Variants in FHOD3 observed in about 807,000 individuals in gnomAD.
FHOD3 encodes formin homology 2 domain containing 3, also known as FH1/FH2 domain-containing protein 3.
In FHOD3, 90 loss-of-function variants were observed where a neutral mutation model predicts 173.0. The observed-to-expected ratio is 0.52, with a 90% confidence interval of 0.44 to 0.62. FHOD3 has a LOEUF of 0.62. FHOD3 is among the 20% of genes least tolerant of loss of function. FHOD3 has a pLI of 0.00. For missense variants in FHOD3, 1,945 were observed against 2,034.7 expected (o/e 0.96, Z 0.85); for synonymous variants, 828 against 823.0 (o/e 1.01, Z -0.10).
At chr18:36,308,144 A>C (rs570575279) in intron 1 of FHOD3, among the ~76,000 whole-genome samples, 1 of 152,350 alleles carries the variant, frequency 6.6e-6, no homozygotes, top group African/African-American at 2.4e-5. Context: ...TGATTGAACT[A>C]TTGGAGGTTT....
In FHOD3 at chr18:36,654,850, G is replaced by GT. The variant is rs202189677; in HGVS notation, c.1721+1442dup. On this transcript the variant is annotated intron_variant, in intron 13 of 28. Transcript: ENST00000590592. ...CCACACTGATTCCACCTGCTCAAGA[G>GT]TTTTTTTTCTTTCTAAAAATGGAAG... is the stretch of plus-strand genomic sequence containing the variant. Among the ~76,000 whole-genome samples, 16 of 152,110 alleles carry GT rather than the reference G, an allele frequency of 1.1e-4. No individual in the cohort carries two copies. In the East Asian group the frequency reaches 1.9e-3, roughly 18 times the overall value.
At chr18:36,454,267 C>T (rs994244639) in intron 3 of FHOD3, among the ~76,000 whole-genome samples, 5 of 151,936 alleles carry the variant, frequency 3.3e-5, no homozygotes, top group African/African-American at 1.2e-4. Context: ...CACAGGGGCA[C>T]ACACACAAGA....
chr18:36,779,161 C>T (rs2043914240), intron 28 of FHOD3: 6 of 452,196 alleles, frequency 1.3e-5, no homozygotes, highest in Non-Finnish European at 2.0e-5. Context: ...GGGTGAGCCT[C>T]TCCTCCTTTC....
intron 3 of FHOD3, among the ~76,000 whole-genome samples, chr18:36,480,973 G>GT (rs1185942316): frequency 2.2e-5 from 3 of 136,836 alleles, no homozygotes; most frequent in Admixed American, 2.2e-4. Flanking sequence ...TCCAACCACA[G>GT]TTTTTTTATG....
intron 3 of FHOD3, among the ~76,000 whole-genome samples, chr18:36,444,688 G>C (rs1156995149): frequency 6.6e-6 from 1 of 152,014 alleles, no homozygotes; most frequent in Non-Finnish European, 1.5e-5. Context: ...ACAAAGGGTA[G>C]CATGCTATAG....
At chr18:36,755,068 T>C in intron 24 of FHOD3, 51 bp from the exon 25 acceptor site, 1 of 1,270,466 alleles carries the variant, frequency 7.9e-7, no homozygotes, top group Non-Finnish European at 1.1e-6. Context: ...AGACAAGTAA[T>C]TTTTATTTCT....
intron 8 of FHOD3, among the ~76,000 whole-genome samples, chr18:36,610,796 G>T (rs2032595463): frequency 1.3e-5 from 2 of 152,184 alleles, no homozygotes; most frequent in African/African-American, 4.8e-5. Context: ...AATAATTTTG[G>T]AATGTGTGTC....
intron 14 of FHOD3, among the ~76,000 whole-genome samples, chr18:36,680,170 C>G (rs1428473830): frequency 6.6e-6 from 1 of 152,128 alleles, no homozygotes; most frequent in South Asian, 2.1e-4. Context: ...TTTGGTTACT[C>G]CCTCCCTGTA....
At chr18:36,691,455 C>T (rs1401302470) in intron 16 of FHOD3, among the ~76,000 whole-genome samples, 1 of 152,240 alleles carries the variant, frequency 6.6e-6, no homozygotes, top group African/African-American at 2.4e-5. Context: ...TTGCCACCAT[C>T]CCATTTAACA....
At position 36,746,847 on chromosome 18, in the gene FHOD3, T is replaced by G. The variant is rs531670146; in HGVS notation, c.4042-98T>G. 1,260 of 843,338 alleles carry G rather than the reference T, an allele frequency of 1.5e-3. 7 individuals carry two copies. The highest frequency in any genetic ancestry group is 1.7e-3 in the Non-Finnish European group (958 of 552,440). 52.2% of individuals were successfully genotyped at this position (843,338 alleles called of 1,614,324 possible). A position where few individuals can be genotyped will look rare whatever the true frequency, so the allele number is the denominator to read the frequency against. On this transcript the variant is annotated intron_variant, in intron 23 of 28. Transcript: ENST00000590592. Reference sequence around the variant, plus strand: ...TTTGCATTTCAAAATGTGAATTTCGTTTTGATGTTTGTTTCTCCCCAGAGG... The same window carrying G: ...TTTGCATTTCAAAATGTGAATTTCGGTTTGATGTTTGTTTCTCCCCAGAGG...
At chr18:36,669,269 T>C (rs183990361) in intron 14 of FHOD3, among the ~76,000 whole-genome samples, 15 of 151,974 alleles carry the variant, frequency 9.9e-5, no homozygotes, top group Admixed American at 7.9e-4. Context: ...TAATATAGCC[T>C]CAGCTTTAAA....
At chr18:36,561,481 T>C (rs1837409249) in intron 5 of FHOD3, among the ~76,000 whole-genome samples, 1 of 152,218 alleles carries the variant, frequency 6.6e-6, no homozygotes, top group Non-Finnish European at 1.5e-5. Flanking sequence ...GTTGCGTTTA[T>C]GATTTTCTGC....
chr18:36,735,897 C>T (rs1031969045), intron 20 of FHOD3, among the ~76,000 whole-genome samples: 10 of 152,238 alleles, frequency 6.6e-5, no homozygotes, highest in East Asian at 5.8e-4. Context: ...ATAGTATTGG[C>T]GTCTATTTTT....
At chr18:36,751,150 T>C (rs1193639102) in intron 24 of FHOD3, among the ~76,000 whole-genome samples, 1 of 152,248 alleles carries the variant, frequency 6.6e-6, no homozygotes, top group African/African-American at 2.4e-5. Flanking sequence ...CATCTCTGAT[T>C]TCTTTGAGCA....
intron 3 of FHOD3, among the ~76,000 whole-genome samples, chr18:36,419,780 G>T (rs2147057875): frequency 6.6e-6 from 1 of 152,284 alleles, no homozygotes. Context: ...GGCCACATGT[G>T]GCCAGGGAGG....
At chr18:36,300,579 G>T (rs921914325) in intron 1 of FHOD3, among the ~76,000 whole-genome samples, 3 of 152,124 alleles carry the variant, frequency 2.0e-5, no homozygotes, top group African/African-American at 7.2e-5. Flanking sequence ...CTTCTTCCGG[G>T]TCCCACAGAG....
intron 21 of FHOD3, among the ~76,000 whole-genome samples, chr18:36,741,380 G>T (rs1029564177): frequency 2.0e-5 from 3 of 152,188 alleles, no homozygotes; most frequent in African/African-American, 7.2e-5. Context: ...TTTTTCGCAG[G>T]CTGAACAGAA....
intron 24 of FHOD3, among the ~76,000 whole-genome samples, chr18:36,748,376 ACACACAAC>A (rs2042246669): frequency 8.1e-6 from 1 of 123,808 alleles, no homozygotes; most frequent in African/African-American, 3.7e-5. Context: ...ACACACACAC[ACACACAAC>A]ACACACACAC....
intron 3 of FHOD3, among the ~76,000 whole-genome samples, chr18:36,379,052 A>G (rs1196859395): frequency 6.6e-6 from 1 of 152,196 alleles, no homozygotes; most frequent in Non-Finnish European, 1.5e-5. Context: ...TTATATTCAT[A>G]TGATATATAA....
Sources: allele counts gnomAD v4.1 joint callset (sites outside exome capture counted in the v4.1 genomes callset), GRCh38; gene constraint gnomAD v4.1.1; transcripts MANE v1.5; gene names NCBI Gene and HGNC (gene_info 2026-07-23, HGNC 2026-07-21).